The following UBE2V2 variants were observed in gnomAD, a reference collection of about 807,000 sequenced individuals.
UBE2V2 encodes the protein ubiquitin conjugating enzyme E2 V2.
UBE2V2 carries 9 observed loss-of-function variants against 17.2 expected under a neutral mutation model. The ratio of observed to expected loss-of-function variants is 0.52; its 90% CI spans 0.32 to 0.91. The LOEUF (loss-of-function observed/expected upper bound fraction) is 0.91, where lower values mean the gene tolerates loss of function less well. UBE2V2 is among the 40% of genes least tolerant of loss of function. The probability of loss-of-function intolerance (pLI) is 0.04; values close to 1 mark genes in which losing one functional copy is unlikely to be tolerated. For missense variants in UBE2V2, 133 were observed against 182.6 expected, an observed-to-expected ratio of 0.73 and a Z score of 1.56; for synonymous variants, 61 against 57.5, an observed-to-expected ratio of 1.06 and a Z score of -0.28.
chr8:48,011,063 A>G (rs890572391), intron 1 of UBE2V2, among the ~76,000 whole-genome samples: 4 of 151,778 alleles, frequency 2.6e-5, no homozygotes, highest in African/African-American at 7.3e-5. Flanking sequence ...TATTAGCTAT[A>G]CTTTTGTTTG....
chr8:48,033,690 G>T (rs901102201), intron 1 of UBE2V2, among the ~76,000 whole-genome samples: 3 of 151,912 alleles, frequency 2.0e-5, no homozygotes, highest in Non-Finnish European at 4.4e-5. Context: ...CTGGGTGCGG[G>T]CTCATATCTA....
intron 1 of UBE2V2, among the ~76,000 whole-genome samples, chr8:48,033,519 G>T (rs576000931): frequency 1.3e-5 from 2 of 151,920 alleles, no homozygotes; most frequent in African/African-American, 2.4e-5. Flanking sequence ...AATTTATTGT[G>T]TGTATTTAAG....
At chr8:48,023,111 G>A (rs1278248831) in intron 1 of UBE2V2, among the ~76,000 whole-genome samples, 3 of 151,930 alleles carry the variant, frequency 2.0e-5, no homozygotes, top group Non-Finnish European at 4.4e-5. Context: ...ATGTCTTGGA[G>A]TAGTCTTATT....
chr8:48,046,050 G>A (rs915217751), intron 2 of UBE2V2, among the ~76,000 whole-genome samples: 7 of 152,070 alleles, frequency 4.6e-5, no homozygotes, highest in African/African-American at 1.7e-4. Flanking sequence ...AGGTTCAAGC[G>A]GTTTTCCTGC....
intron 1 of UBE2V2, among the ~76,000 whole-genome samples, chr8:48,012,714 A>G (rs1266009417): frequency 1.4e-5 from 2 of 146,926 alleles, no homozygotes; most frequent in Non-Finnish European, 2.9e-5. Flanking sequence ...GTGAGACTCC[A>G]TCTCAGAAAA....
intron 3 of UBE2V2, among the ~76,000 whole-genome samples, chr8:48,058,369 G>A (rs546700543): frequency 3.1e-4 from 47 of 152,076 alleles, no homozygotes; most frequent in Middle Eastern, 3.4e-3. Flanking sequence ...TTGGGAGGCT[G>A]AGGCAGGAGA....
upstream of UBE2V2, among the ~76,000 whole-genome samples, chr8:48,003,728 G>C (rs780336892): frequency 6.6e-6 from 1 of 152,184 alleles, no homozygotes; most frequent in East Asian, 1.9e-4. Flanking sequence ...TAAAAGAGCA[G>C]ATCAGTTTAA....
the UBE2V2 span, among the ~76,000 whole-genome samples, chr8:47,998,162 A>G: frequency 2.9e-3 from 444 of 152,116 alleles, 3 homozygotes; most frequent in African/African-American, 0.01. Flanking sequence ...TCTAATTTGT[A>G]TTGAGGTCAC....
chr8:48,034,161 C>T (rs1013172178), intron 1 of UBE2V2, among the ~76,000 whole-genome samples: 5 of 143,174 alleles, frequency 3.5e-5, no homozygotes, highest in Non-Finnish European at 7.4e-5. Context: ...CTCGCACTGT[C>T]ACCGGGCTGG....
intron 2 of UBE2V2, among the ~76,000 whole-genome samples, chr8:48,048,757 TG>T (rs1200676317): frequency 6.6e-6 from 1 of 152,166 alleles, no homozygotes; most frequent in Non-Finnish European, 1.5e-5. Flanking sequence ...TTTATGGGGA[TG>T]GGATCAGTTT....
At chr8:48,046,771 G>C (rs1236439870) in intron 2 of UBE2V2, among the ~76,000 whole-genome samples, 1 of 151,764 alleles carries the variant, frequency 6.6e-6, no homozygotes, top group Admixed American at 6.6e-5. Flanking sequence ...TAATTTGTGT[G>C]TGTGTGTGTG....
intron 1 of UBE2V2, among the ~76,000 whole-genome samples, chr8:48,031,575 A>G (rs574891624): frequency 1.3e-5 from 2 of 152,354 alleles, no homozygotes; most frequent in African/African-American, 4.8e-5. Context: ...GATACTTTGC[A>G]AATCCTCTAA....
chr8:48,041,794 CTTCTT>C (rs1163336747), intron 1 of UBE2V2: 2 of 151,544 alleles, frequency 1.3e-5, no homozygotes, highest in Non-Finnish European at 2.9e-5. Flanking sequence ...TGTAAACACT[CTTCTT>C]TTTTTTTTTT....
chr8:48,010,848 C>G (rs1044401236), intron 1 of UBE2V2, among the ~76,000 whole-genome samples: 53 of 151,116 alleles, frequency 3.5e-4, no homozygotes, highest in African/African-American at 1.2e-3. Context: ...CAGGTGCATG[C>G]CACCACGCCC....
chr8:48,042,374 A>G (rs1481930579), intron 1 of UBE2V2: 1 of 152,224 alleles, frequency 6.6e-6, no homozygotes, highest in East Asian at 1.9e-4. Context: ...TTTTCTTTAA[A>G]GAGACATACT....
At chr8:48,002,424 C>A in the UBE2V2 span, among the ~76,000 whole-genome samples, 1 of 152,088 alleles carries the variant, frequency 6.6e-6, no homozygotes, top group African/African-American at 2.4e-5. Context: ...GTGAAATAAG[C>A]CAGGCACAGA....
intron 3 of UBE2V2, among the ~76,000 whole-genome samples, chr8:48,052,177 TAGG>T (rs1316740111): frequency 4.6e-5 from 7 of 152,320 alleles, no homozygotes; most frequent in Non-Finnish European, 5.9e-5. Flanking sequence ...AGAAATTTGA[TAGG>T]AGCAGGATTA....
At chr8:48,033,501 T>A (rs1370491772) in intron 1 of UBE2V2, among the ~76,000 whole-genome samples, 1 of 152,092 alleles carries the variant, frequency 6.6e-6, no homozygotes, top group South Asian at 2.1e-4. Flanking sequence ...CTTGTTTTTT[T>A]AAAATAAAAT....
chr8:48,016,061 C>T (rs1031520297), intron 1 of UBE2V2, among the ~76,000 whole-genome samples: 1 of 152,074 alleles, frequency 6.6e-6, no homozygotes, highest in South Asian at 2.1e-4. Context: ...CCAAGCCCGG[C>T]TAATTTTTGT....
Sources: allele counts gnomAD v4.1 joint callset (sites outside exome capture counted in the v4.1 genomes callset), GRCh38; gene constraint gnomAD v4.1.1; transcripts MANE v1.5; gene names NCBI Gene and HGNC (gene_info 2026-07-23, HGNC 2026-07-21).